Variants in SLCO3A1 observed in about 807,000 individuals in gnomAD.
The protein encoded by SLCO3A1 is solute carrier organic anion transporter family member 3A1.
SLCO3A1 carries 27 observed loss-of-function variants against 63.1 expected under a neutral mutation model. The ratio of observed to expected loss-of-function variants is 0.43; its 90% CI spans 0.32 to 0.59. SLCO3A1 has a LOEUF of 0.59. SLCO3A1 is among the 20% of genes least tolerant of loss of function. The probability of loss-of-function intolerance (pLI) is 0.09; values close to 1 mark genes in which losing one functional copy is unlikely to be tolerated. For synonymous variants in SLCO3A1, 473 were observed against 409.9 expected, an observed-to-expected ratio of 1.15 and a Z score of -1.86; for missense variants, 773 against 945.8, an observed-to-expected ratio of 0.82 and a Z score of 2.40.
rs538669325 is a variant in SLCO3A1, at chr15:91,886,584, C to T, written c.181-29409C>T. ...AGCCTCAGCGTCAGTGTTGTTTCTA[C>T]GGTGTGACCATATTTGATGTGCTTA... On this transcript the variant is annotated intron_variant, in intron 1 of 9. Transcript: ENST00000318445. The surrounding 1 kb of genome is among the most constrained non-coding windows in gnomAD (Gnocchi z 4.9). 6.6e-5 allele frequency among the ~76,000 whole-genome samples: 10 copies of T among 152,324 alleles called. No homozygotes were observed. The South Asian group carries it at 8.3e-4, about 13-fold the overall frequency.
chr15:91,970,846 C>G (rs192202958), intron 2 of SLCO3A1, among the ~76,000 whole-genome samples: 7 of 152,146 alleles, frequency 4.6e-5, no homozygotes, highest in Admixed American at 2.6e-4. Context: ...GTCTGCCGTC[C>G]TCATGCTACT....
chr15:91,957,034 A>ATATATATATAC (rs1900228775), intron 2 of SLCO3A1, among the ~76,000 whole-genome samples: 1 of 1,304 alleles, frequency 7.7e-4, no homozygotes, highest in Non-Finnish European at 1.1e-3. Flanking sequence ...ATAATATATA[A>ATATATATATAC]TATATAGTAT....
At chr15:91,994,093 T>C (rs1009944659) in intron 2 of SLCO3A1, among the ~76,000 whole-genome samples, 1 of 152,240 alleles carries the variant, frequency 6.6e-6, no homozygotes, top group Non-Finnish European at 1.5e-5. Flanking sequence ...AAAATTTGCG[T>C]GACATGATAA....
chr15:91,969,916 G>A (rs901814722), intron 2 of SLCO3A1, among the ~76,000 whole-genome samples: 3 of 152,110 alleles, frequency 2.0e-5, no homozygotes, highest in Non-Finnish European at 2.9e-5. Flanking sequence ...TGACCTGGGC[G>A]CAGTCATCAG....
Position 92,164,558 on chromosome 15 carries a change from C to G in SLCO3A1, c.*1423C>G. 1.0e-6 allele frequency: 1 copy of G among 985,148 alleles called. No individual in the cohort carries two copies. The highest frequency in any genetic ancestry group is 1.2e-6 in the Non-Finnish European group (1 of 829,900). 61.0% of individuals were successfully genotyped at this position (985,148 alleles called of 1,614,324 possible). ...TTTGTGTGTATGGGTGCAACACTTC[C>G]GGGGATAGGAAAGAAGAACAGTTCC... is the stretch of plus-strand genomic sequence containing the variant. On this transcript the variant is annotated 3_prime_UTR_variant, in exon 10 of 10. Transcript: ENST00000318445.
Position 91,954,718 on chromosome 15 carries a change from G to T in SLCO3A1, c.646+38260G>T, listed in dbSNP as rs577592710. On this transcript the variant is annotated intron_variant, in intron 2 of 9. Coordinates refer to ENST00000318445, the MANE Select transcript of SLCO3A1 (RefSeq NM_013272.4). This position sits in a 1 kb window ranked among gnomAD's most constrained non-coding sequence, Gnocchi z 4.7. ...GGTTAGAGCCCAATGAGTGAGGGGG[G>T]TAAAGATGGGGAGAGGGGTTGACCT... Among the ~76,000 whole-genome samples, 8 of 152,134 alleles carry T rather than the reference G, an allele frequency of 5.3e-5. No homozygotes were observed. The East Asian group carries it at 1.6e-3, about 30-fold the overall frequency.
At chr15:92,013,507 G>T (rs1200916186) in intron 2 of SLCO3A1, among the ~76,000 whole-genome samples, 1 of 152,164 alleles carries the variant, frequency 6.6e-6, no homozygotes, top group African/African-American at 2.4e-5. Flanking sequence ...GTGGTCTGAT[G>T]TGCCCGAGGA....
rs185086532 is a variant in SLCO3A1, at chr15:92,033,422, G to A, written c.647-61459G>A. Among the ~76,000 whole-genome samples the A allele has an allele frequency of 6.6e-5, 10 of 152,264 alleles. No homozygotes were observed. The South Asian group carries it at 1.7e-3, about 25-fold the overall frequency. On this transcript the variant is annotated intron_variant, in intron 2 of 9. Coordinates refer to ENST00000318445, the MANE Select transcript of SLCO3A1 (RefSeq NM_013272.4). The surrounding 1 kb of genome is among the most constrained non-coding windows in gnomAD (Gnocchi z 4.5). ...CTCTTCCCCTTAGTGGAGAAGTAACGATGTTCACGCTTGGGCAGCTGGATG... is the reference window on the plus strand; with the variant it reads ...CTCTTCCCCTTAGTGGAGAAGTAACAATGTTCACGCTTGGGCAGCTGGATG...
chr15:91,854,046 G>A lies in SLCO3A1; in HGVS notation c.138G>A (p.Glu46=). 3.2e-6 allele frequency: 5 copies of A among 1,543,558 alleles called. No homozygotes were observed. The highest frequency in any genetic ancestry group is 4.4e-6 in the Non-Finnish European group (5 of 1,143,552). The part of the protein sequence containing the change: ...FSNIKIFLVS[E]CALMLAQGTV... Reference sequence around the variant, plus strand: ...ACATCAAGATCTTCCTGGTGTCCGAGTGCGCCCTGATGCTGGCGCAGGGCA... The same window carrying A: ...ACATCAAGATCTTCCTGGTGTCCGAATGCGCCCTGATGCTGGCGCAGGGCA... The change falls in exon 1 of 10, where the codon GAG becomes GAA. Residue 46 remains glutamate, a synonymous_variant. Transcript: ENST00000318445. This position sits in a 1 kb window ranked among gnomAD's most constrained non-coding sequence, Gnocchi z 6.4.
intron 2 of SLCO3A1, among the ~76,000 whole-genome samples, chr15:91,940,992 T>C (rs866495662): frequency 6.6e-6 from 1 of 152,114 alleles, no homozygotes; most frequent in Non-Finnish European, 1.5e-5. Context: ...CACCCTGCCG[T>C]TTTAGGAGGG....
exon 11 of SLCO3A1, chr15:92,172,086 C>T: frequency 2.0e-6 from 1 of 497,702 alleles, no homozygotes; most frequent in East Asian, 3.2e-5. Flanking sequence ...GAGTAGGCAT[C>T]TTTCCTGGGT....
intron 2 of SLCO3A1, among the ~76,000 whole-genome samples, chr15:92,067,911 G>A (rs978992800): frequency 1.3e-5 from 2 of 152,176 alleles, no homozygotes; most frequent in Non-Finnish European, 2.9e-5. Flanking sequence ...TTCATAGACG[G>A]CCACCTTCTT....
At position 91,859,327 on chromosome 15, in the gene SLCO3A1, G is replaced by A. The variant is rs192338750; in HGVS notation, c.180+5239G>A. ...ACTCTTTCAATTCATTTTTATTTTC[G>A]GTTTCTATGTCTGTATCTGGAAAAC... On this transcript the variant is annotated intron_variant, in intron 1 of 9. Transcript: ENST00000318445. The surrounding 1 kb of genome is among the most constrained non-coding windows in gnomAD (Gnocchi z 5.1). 1.3e-3 allele frequency among the ~76,000 whole-genome samples: 194 copies of A among 152,026 alleles called. 3 individuals are homozygous for A. The highest frequency in any genetic ancestry group is 0.012 in the Admixed American group (190 of 15,294).
At chr15:92,105,509 C>T (rs186300072) in intron 4 of SLCO3A1, among the ~76,000 whole-genome samples, 2 of 152,224 alleles carry the variant, frequency 1.3e-5, no homozygotes, top group East Asian at 3.9e-4. Context: ...GTGAGAACCC[C>T]CCTCCACCAC....
intron 2 of SLCO3A1, among the ~76,000 whole-genome samples, chr15:92,030,711 C>T (rs971615326): frequency 6.6e-6 from 1 of 152,154 alleles, no homozygotes; most frequent in Non-Finnish European, 1.5e-5. Flanking sequence ...TCCCACCCCA[C>T]CATGGCAGAG....
At chr15:91,961,195 T>C (rs1597160990) in intron 2 of SLCO3A1, among the ~76,000 whole-genome samples, 3 of 152,380 alleles carry the variant, frequency 2.0e-5, no homozygotes. Context: ...TTATCTATTA[T>C]CCCAGTAGAA....
At chr15:91,920,886 C>T (rs1414208533) in intron 2 of SLCO3A1, among the ~76,000 whole-genome samples, 1 of 152,166 alleles carries the variant, frequency 6.6e-6, no homozygotes, top group Non-Finnish European at 1.5e-5. Context: ...TTAGTTAGCT[C>T]TTCGGAGCTA....
intron 2 of SLCO3A1, among the ~76,000 whole-genome samples, chr15:92,006,622 A>G (rs2046315844): frequency 6.6e-6 from 1 of 152,220 alleles, no homozygotes; most frequent in Non-Finnish European, 1.5e-5. Context: ...TGAGTAAAAA[A>G]TTCCAGCAGG....
At chr15:92,100,275 T>C (rs2047589490) in intron 3 of SLCO3A1, among the ~76,000 whole-genome samples, 1 of 152,134 alleles carries the variant, frequency 6.6e-6, no homozygotes, top group Admixed American at 6.5e-5. Flanking sequence ...CCGAATGAAA[T>C]GGCATCTGTT....
Sources: gnomAD v4.1 joint callset for allele counts (sites outside exome capture counted in the v4.1 genomes callset) on GRCh38, gnomAD v4.1.1 for gene constraint, Gnocchi (gnomAD v3.1) non-coding constraint, MANE v1.5 for transcripts, NCBI Gene and HGNC (gene_info 2026-07-23, HGNC 2026-07-21) for gene names.